The following KIAA0408 variants were observed in gnomAD, a reference collection of about 807,000 sequenced individuals.
KIAA0408 encodes the protein uncharacterized protein KIAA0408.
KIAA0408 carries 51 observed loss-of-function variants against 60.9 expected under a neutral mutation model. The observed-to-expected ratio is 0.84, with a 90% CI of 0.67 to 1.06. The LOEUF is 1.06. Among genes scored for constraint, KIAA0408 ranks in the 50% least tolerant of loss-of-function variants. The pLI is 0.00. For missense variants in KIAA0408, 787 were observed against 833.9 expected (o/e 0.94, Z 0.69); for synonymous variants, 304 against 282.4 (o/e 1.08, Z -0.77).
chr6:127,449,386 A>C (rs1470690258), intron 4 of KIAA0408, among the ~76,000 whole-genome samples: 2 of 152,132 alleles, frequency 1.3e-5, no homozygotes, highest in Non-Finnish European at 2.9e-5. Context: ...GTGGTGGCTC[A>C]CGCCTGTAAT....
At chr6:127,447,765 A>G (rs1289989176) in intron 4 of KIAA0408, 25 bp from the exon 5 acceptor site, 2 of 1,511,076 alleles carry the variant, frequency 1.3e-6, no homozygotes, top group African/African-American at 2.8e-5. Context: ...AACATGGTGT[A>G]TTGGTTATAA....
rs753743340 is a variant in KIAA0408, at chr6:127,444,066, G to A, written c.*43C>T. 32 of 1,587,906 alleles carry A rather than the reference G, an allele frequency of 2.0e-5. No individual in the cohort carries two copies. The highest frequency in any genetic ancestry group is 2.8e-5 in the Non-Finnish European group (32 of 1,158,280). The stretch of plus-strand genomic sequence containing the variant: ...ACACTCAGAATGCTCTGTTTGACAA[G>A]TGGGACTAGAACTTCTGTAATATAG... On this transcript the variant is annotated 3_prime_UTR_variant, in exon 6 of 6. Coordinates refer to ENST00000483725, the MANE Select transcript of KIAA0408 (RefSeq NM_014702.5).
At position 127,443,882 on chromosome 6, in the gene KIAA0408, T is replaced by G. The variant is rs1163038912; in HGVS notation, c.*227A>C. The G allele has an allele frequency of 5.9e-6, 3 of 505,576 alleles. No individual in the cohort carries two copies. The highest frequency in any genetic ancestry group is 7.2e-5 in the East Asian group (2 of 27,762). The allele number at this position is 505,576 out of a possible 1,614,324, so 31.3% of individuals were successfully genotyped here. A position where few individuals can be genotyped will look rare whatever the true frequency, so the allele number is the denominator to read the frequency against. On this transcript the variant is annotated 3_prime_UTR_variant, in exon 6 of 6. Coordinates refer to ENST00000483725, the MANE Select transcript of KIAA0408 (RefSeq NM_014702.5). Reference sequence around the variant, plus strand: ...ATACAATATTGTACATTGTTTCAACTTATATTGTATTGGAAAACTAATGAG... The same window carrying G: ...ATACAATATTGTACATTGTTTCAACGTATATTGTATTGGAAAACTAATGAG...
intron 2 of KIAA0408, 188 bp from the exon 3 acceptor site, chr6:127,450,540 T>C: frequency 1.1e-6 from 1 of 906,620 alleles, no homozygotes. Flanking sequence ...TGATGAAACA[T>C]AAAGGCTACT....
chr6:127,458,830 C>A (rs1431067072), intron 1 of KIAA0408, among the ~76,000 whole-genome samples: 1 of 152,138 alleles, frequency 6.6e-6, no homozygotes, highest in Admixed American at 6.5e-5. Context: ...AAAAAAATCA[C>A]ATTTGAATAA....
rs920320981 is a variant in KIAA0408 at position 127,442,428 on chromosome 6, C to G, written c.*1681G>C. On this transcript the variant is annotated 3_prime_UTR_variant, in exon 6 of 6. Coordinates refer to ENST00000483725, the MANE Select transcript of KIAA0408 (RefSeq NM_014702.5). ...GTGATATTACTTGGTGTCTAGTTTACTTTTCTTTGATAGCTTCCTGTGGAA... is the reference window on the plus strand; with the variant it reads ...GTGATATTACTTGGTGTCTAGTTTAGTTTTCTTTGATAGCTTCCTGTGGAA... 6.6e-6 allele frequency: 1 copy of G among 152,202 alleles called. No individual in the cohort carries two copies. Among genetic ancestry groups the G allele is most frequent in the Non-Finnish European group, 1.5e-5 (1 of 68,034 alleles). 9.4% of individuals were successfully genotyped at this position (152,202 alleles called of 1,614,324 possible). A position where few individuals can be genotyped will look rare whatever the true frequency, so the allele number is the denominator to read the frequency against.
At position 127,441,497 on chromosome 6, in the gene KIAA0408, A is replaced by C. The variant is rs1773107542; in HGVS notation, c.*2612T>G. ...TCTGAGATCAGCCCATAATATCAGT[A>C]ATCCTCTGCTGAACTAAAATAATAT... On this transcript the variant is annotated 3_prime_UTR_variant, in exon 6 of 6. Coordinates refer to ENST00000483725, the MANE Select transcript of KIAA0408 (RefSeq NM_014702.5). 6.6e-6 allele frequency: 1 copy of C among 152,494 alleles called. No homozygotes were observed. The highest frequency in any genetic ancestry group is 6.5e-5 in the Admixed American group (1 of 15,268). 9.4% of individuals were successfully genotyped at this position (152,494 alleles called of 1,614,324 possible).
chr6:127,446,750 T>C lies in KIAA0408; in HGVS notation c.1569A>G (p.Gln523=), dbSNP rs1465840081. The stretch of plus-strand genomic sequence containing the variant: ...TGCGAGGACTTAGGTGTCCCTGCAT[T>C]TGTCTTACTAGGCCTGTTGTGGATT... The part of the protein sequence containing the change: ...TKKSTTGLVR[Q]MQGHLSPRSY... Residue 523 remains glutamine (Q), a synonymous_variant, in exon 5 of 6, where the codon CAA becomes CAG. Coordinates refer to ENST00000483725, the MANE Select transcript of KIAA0408 (RefSeq NM_014702.5). 4 of 1,613,962 alleles carry C rather than the reference T, an allele frequency of 2.5e-6. No homozygotes were observed. The highest frequency in any genetic ancestry group is 2.5e-6 in the Non-Finnish European group (3 of 1,179,974).
Position 127,444,284 on chromosome 6 carries a change from T to C in KIAA0408, c.1912-2A>G. On this transcript the variant is annotated splice_acceptor_variant, in intron 5 of 5. Transcript: ENST00000483725. LOFTEE classifies it high-confidence loss of function. The stretch of plus-strand genomic sequence containing the variant: ...TGAGGCGTTCACTGACATGGATTCC[T>C]AGGACACAAGTAAAAACATTCCTCT... The C allele has an allele frequency of 1.3e-6, 2 of 1,573,266 alleles. No homozygotes were observed. The highest frequency in any genetic ancestry group is 2.3e-5 in the East Asian group (1 of 43,942).
At chr6:127,454,479 ATTCT>A (rs1773356154) in intron 1 of KIAA0408, among the ~76,000 whole-genome samples, 1 of 152,114 alleles carries the variant, frequency 6.6e-6, no homozygotes, top group Non-Finnish European at 1.5e-5. Flanking sequence ...CAATAAAATT[ATTCT>A]TTCTGTTCTG....
chr6:127,457,233 T>A (rs1331039146), intron 1 of KIAA0408, among the ~76,000 whole-genome samples: 1 of 151,622 alleles, frequency 6.6e-6, no homozygotes, highest in African/African-American at 2.4e-5. Context: ...ACAAAAAATA[T>A]CAAACTGAAG....
chr6:127,446,341 T>C lies in KIAA0408; in HGVS notation c.1911+67A>G, dbSNP rs558657444. 1.2e-3 allele frequency: 1,810 copies of C among 1,541,004 alleles called. 3 individuals are homozygous for C. The highest frequency in any genetic ancestry group is 1.1e-3 in the Non-Finnish European group (1,227 of 1,145,896). ...TCATTCTATTTATATGAATTGGACATATAAACATGATTCAGAGCCATTGCT... is the reference window on the plus strand; with the variant it reads ...TCATTCTATTTATATGAATTGGACACATAAACATGATTCAGAGCCATTGCT... On this transcript the variant is annotated intron_variant, in intron 5 of 5. Transcript: ENST00000483725.
chr6:127,443,887 T>G lies in KIAA0408; in HGVS notation c.*222A>C. Reference sequence around the variant, plus strand: ...ATATTGTACATTGTTTCAACTTATATTGTATTGGAAAACTAATGAGGATGG... The same window carrying G: ...ATATTGTACATTGTTTCAACTTATAGTGTATTGGAAAACTAATGAGGATGG... On this transcript the variant is annotated 3_prime_UTR_variant, in exon 6 of 6. Transcript: ENST00000483725. 1.9e-6 allele frequency: 1 copy of G among 515,702 alleles called. No homozygotes were observed. The highest frequency in any genetic ancestry group is 3.4e-6 in the Non-Finnish European group (1 of 290,360). 31.9% of individuals were successfully genotyped at this position (515,702 alleles called of 1,614,324 possible).
At chr6:127,456,844 A>T (rs181040667) in intron 1 of KIAA0408, among the ~76,000 whole-genome samples, 3 of 152,234 alleles carry the variant, frequency 2.0e-5, no homozygotes, top group Admixed American at 2.0e-4. Flanking sequence ...AATGCTTAAA[A>T]GAAGTGCCTA....
chr6:127,446,421 T>A lies in KIAA0408; in HGVS notation c.1898A>T (p.Lys633Ile). ...TTGCTTTCTCACCTCTGTTATCTTT[T>A]TCGGATCTATTCCTTGCTTCACTTC... Reference protein sequence around the residue: ...GQEVKQGIDPKKITEESMSVN... With the variant: ...GQEVKQGIDPIKITEESMSVN... The change falls in exon 5 of 6, where the codon AAA becomes ATA. Residue 633 changes from lysine to isoleucine, a missense_variant. By Grantham distance (102) the Lys-to-Ile change is moderately radical (BLOSUM62 -3). Around this residue, in one of 3 missense-constraint regions of KIAA0408, gnomAD observed 133 missense variants for 119.2 expected, o/e 1.12. Transcript: ENST00000483725. The A allele has an allele frequency of 6.2e-7, 1 of 1,605,888 alleles. No homozygotes were observed. Among genetic ancestry groups the A allele is most frequent in the Non-Finnish European group, 8.5e-7 (1 of 1,173,618 alleles).
intron 2 of KIAA0408, chr6:127,450,881 T>C (rs1773291144): frequency 6.4e-6 from 1 of 157,160 alleles, no homozygotes. Flanking sequence ...TCAATTACAT[T>C]GTGAGGGCTA....
rs1184565098 is a variant in KIAA0408 at position 127,441,902 on chromosome 6, T to G, written c.*2207A>C. The G allele has an allele frequency of 6.6e-6, 1 of 152,214 alleles. No individual in the cohort carries two copies. Among genetic ancestry groups the G allele is most frequent in the Non-Finnish European group, 1.5e-5 (1 of 68,036 alleles). The allele number at this position is 152,214 out of a possible 1,614,324, so 9.4% of individuals were successfully genotyped here. A position where few individuals can be genotyped will look rare whatever the true frequency, so the allele number is the denominator to read the frequency against. On this transcript the variant is annotated 3_prime_UTR_variant, in exon 6 of 6. Coordinates refer to ENST00000483725, the MANE Select transcript of KIAA0408 (RefSeq NM_014702.5). ...GTCAACATAAGAAGACGTTAAAATG[T>G]GTCCCACTGGTTCATTCAACTGTTA...
At chr6:127,455,967 C>T (rs1290207110) in intron 1 of KIAA0408, among the ~76,000 whole-genome samples, 3 of 152,156 alleles carry the variant, frequency 2.0e-5, no homozygotes, top group Non-Finnish European at 4.4e-5. Flanking sequence ...TGATCTTGAT[C>T]TTGAATACCT....
In KIAA0408 at chr6:127,447,100, C is replaced by T. The variant is rs753756483; in HGVS notation, c.1219G>A (p.Val407Ile). ...HPAKSHPDLHVSNDCSSSVAE... is the reference protein window; with the variant it reads ...HPAKSHPDLHISNDCSSSVAE... ...ACTGAGGAGCTACAGTCATTACTTA[C>T]ATGAAGATCAGGATGAGATTTAGCA... Residue 407 changes from valine to isoleucine, a missense_variant, in exon 5 of 6, where the codon GTA becomes ATA. By Grantham distance (29) the Val-to-Ile change is conservative. Around this residue, in one of 3 missense-constraint regions of KIAA0408, gnomAD observed 640 missense variants for 681.3 expected, o/e 0.94. Coordinates refer to ENST00000483725, the MANE Select transcript of KIAA0408 (RefSeq NM_014702.5). 6.2e-7 allele frequency: 1 copy of T among 1,613,936 alleles called. No homozygotes were observed. Among genetic ancestry groups the T allele is most frequent in the Non-Finnish European group, 8.5e-7 (1 of 1,179,978 alleles).
Sources: gnomAD v4.1 joint callset for allele counts (sites outside exome capture counted in the v4.1 genomes callset) on GRCh38, gnomAD v4.1.1 for gene constraint, gnomAD v4.1.1 regional missense constraint, MANE v1.5 for transcripts, NCBI Gene and HGNC (gene_info 2026-07-23, HGNC 2026-07-21) for gene names.